The following AGMO variants were observed in gnomAD, a reference collection of about 807,000 sequenced individuals.
The protein encoded by AGMO is alkylglycerol monooxygenase, also known as glyceryl-ether monooxygenase.
A neutral mutation model predicts 60.2 loss-of-function variants in AGMO; 75 were observed. The observed-to-expected ratio is 1.25, with a 90% CI of 1.03 to 1.51. The LOEUF (loss-of-function observed/expected upper bound fraction) is 1.51. Among genes scored for constraint, AGMO ranks in the 40% most tolerant of loss-of-function variants. The pLI, the probability that AGMO is intolerant of heterozygous loss-of-function variation, is 0.00. For synonymous variants in AGMO, 261 were observed against 177.1 expected (o/e 1.47, Z -3.76); for missense variants, 763 against 525.5 (o/e 1.45, Z -4.42).
At chr7:15,559,003 T>A (rs1033356288) in intron 2 of AGMO, among the ~76,000 whole-genome samples, 4 of 152,086 alleles carry the variant, frequency 2.6e-5, no homozygotes, top group African/African-American at 9.7e-5. Flanking sequence ...TCTAAGGGAA[T>A]CTTTCCTCAC....
rs376078262 is a variant in AGMO at position 15,523,205 on chromosome 7, G to T, written c.409+21567C>A. ...AAACAGATGCTGGAGAGGATGTGGA[G>T]AAATAGGAATGCTTTTACACTGTTG... On this transcript the variant is annotated intron_variant, in intron 3 of 12. Coordinates refer to ENST00000342526, the MANE Select transcript of AGMO (RefSeq NM_001004320.2). Among the ~76,000 whole-genome samples, 415 of 152,330 alleles carry T rather than the reference G, an allele frequency of 2.7e-3. 1 individual carries two copies. Among genetic ancestry groups the T allele is most frequent in the African/African-American group, 8.9e-3 (372 of 41,566 alleles).
chr7:15,314,272 A>G (rs113562231), intron 12 of AGMO, among the ~76,000 whole-genome samples: 3 of 152,292 alleles, frequency 2.0e-5, no homozygotes, highest in African/African-American at 7.2e-5. Context: ...TTTTTCATTT[A>G]ATATTTTTGT....
intron 12 of AGMO, among the ~76,000 whole-genome samples, chr7:15,278,108 C>T (rs759373971): frequency 4.8e-5 from 7 of 145,952 alleles, no homozygotes; most frequent in Non-Finnish European, 7.6e-5. Context: ...AACTGAAAGC[C>T]GTGGAATACA....
At chr7:15,321,180 T>C (rs1685273080) in intron 12 of AGMO, among the ~76,000 whole-genome samples, 1 of 152,172 alleles carries the variant, frequency 6.6e-6, no homozygotes, top group Non-Finnish European at 1.5e-5. Flanking sequence ...TAGAATGCTA[T>C]TTCTATTCCT....
rs73679469 is a variant in AGMO at position 15,319,042 on chromosome 7, T to A, written c.1263+46472A>T. Among the ~76,000 whole-genome samples, 453 of 152,284 alleles carry A rather than the reference T, an allele frequency of 3.0e-3. 4 individuals are homozygous for A. Among genetic ancestry groups the A allele is most frequent in the African/African-American group, 0.01 (430 of 41,566 alleles). On this transcript the variant is annotated intron_variant, in intron 12 of 12. Transcript: ENST00000342526. ...AGTTGATTATTGCCAAACTCTTTCA[T>A]CGGTTTCTTTTTTCCTCCTCCCGTT...
At chr7:15,270,587 C>T (rs1041036505) in intron 12 of AGMO, among the ~76,000 whole-genome samples, 4 of 60,704 alleles carry the variant, frequency 6.6e-5, no homozygotes, top group South Asian at 1.3e-3. Context: ...CAAATTTAAT[C>T]TGTTGATAAT....
chr7:15,396,563 A>C (rs1199762733), intron 5 of AGMO: 1 of 152,198 alleles, frequency 6.6e-6, no homozygotes, highest in Non-Finnish European at 1.5e-5. Context: ...GAGGAAAAGG[A>C]CAACAGCTTG....
At chr7:15,548,467 T>C (rs1215559649) in intron 2 of AGMO, among the ~76,000 whole-genome samples, 1 of 151,604 alleles carries the variant, frequency 6.6e-6, no homozygotes, top group African/African-American at 2.4e-5. Flanking sequence ...AGAGAAGTGC[T>C]TAAAGGAGCT....
chr7:15,297,703 G>A (rs1477460621), intron 12 of AGMO, among the ~76,000 whole-genome samples: 1 of 152,100 alleles, frequency 6.6e-6, no homozygotes, highest in Non-Finnish European at 1.5e-5. Flanking sequence ...ACTACCCTGT[G>A]AAAGGTTTTC....
At chr7:15,137,296 T>C in the AGMO span, among the ~76,000 whole-genome samples, 3 of 152,220 alleles carry the variant, frequency 2.0e-5, no homozygotes, top group African/African-American at 7.2e-5. Context: ...TACTTTTTTA[T>C]ACGTTTTCCT....
chr7:15,235,545 C>T (rs62448956), intron 12 of AGMO, among the ~76,000 whole-genome samples: 2,662 of 152,098 alleles, frequency 0.018, 26 homozygotes, highest in Non-Finnish European at 0.025. Flanking sequence ...AACACAAAGA[C>T]GGAAAGTACT....
At chr7:15,550,832 T>C in intron 2 of AGMO, among the ~76,000 whole-genome samples, 1 of 137,806 alleles carries the variant, frequency 7.3e-6, no homozygotes, top group Non-Finnish European at 1.6e-5. Flanking sequence ...CCAGCATCAT[T>C]CTGATACCAA....
At chr7:15,460,342 C>T (rs1782113502) in intron 3 of AGMO, among the ~76,000 whole-genome samples, 1 of 151,940 alleles carries the variant, frequency 6.6e-6, no homozygotes, top group South Asian at 2.1e-4. Flanking sequence ...ACCCACCTCA[C>T]ATTTATTTTT....
intron 12 of AGMO, among the ~76,000 whole-genome samples, chr7:15,269,001 T>A (rs1783517018): frequency 6.6e-6 from 1 of 151,944 alleles, no homozygotes; most frequent in Non-Finnish European, 1.5e-5. Context: ...TTTACAATGG[T>A]TTAGCTTAGG....
At chr7:15,299,237 T>A (rs1456466581) in intron 12 of AGMO, among the ~76,000 whole-genome samples, 3 of 151,930 alleles carry the variant, frequency 2.0e-5, no homozygotes, top group Non-Finnish European at 4.4e-5. Context: ...TATAATAATA[T>A]AATAACAATA....
rs777374176 is a variant in AGMO, at chr7:15,418,599, G to A, written c.568C>T (p.Leu190Phe). The change falls in exon 5 of 13, where the codon CTT becomes TTT. Residue 190 changes from leucine to phenylalanine, a missense_variant. Coordinates refer to ENST00000342526, the MANE Select transcript of AGMO (RefSeq NM_001004320.2). Reference sequence around the variant, plus strand: ...AATTGGTAAAGAAGATTGAATTGAAGATGAACAGCATATACTGAAGGGGGT... The same window carrying A: ...AATTGGTAAAGAAGATTGAATTGAAAATGAACAGCATATACTGAAGGGGGT... ...FIPPSVYAVH[L>F]QFNLLYQFWI... 2 of 1,588,174 alleles carry A rather than the reference G, an allele frequency of 1.3e-6. No individual in the cohort carries two copies. Among genetic ancestry groups the A allele is most frequent in the Admixed American group, 1.9e-5 (1 of 53,942 alleles).
intron 10 of AGMO, among the ~76,000 whole-genome samples, chr7:15,381,826 G>A (rs1783703127): frequency 1.3e-5 from 2 of 152,144 alleles, no homozygotes; most frequent in South Asian, 4.1e-4. Context: ...ATACACCATG[G>A]AATACTATGC....
At chr7:15,265,361 A>G (rs1783400936) in intron 12 of AGMO, among the ~76,000 whole-genome samples, 1 of 152,016 alleles carries the variant, frequency 6.6e-6, no homozygotes, top group Non-Finnish European at 1.5e-5. Flanking sequence ...TGGTGACAGG[A>G]TCGCTCAGAC....
intron 12 of AGMO, among the ~76,000 whole-genome samples, chr7:15,205,627 A>T (rs2115470051): frequency 6.6e-6 from 1 of 152,284 alleles, no homozygotes; most frequent in Non-Finnish European, 1.5e-5. Flanking sequence ...AAGAAATTTG[A>T]GTTACTTTAA....
Sources: allele counts gnomAD v4.1 joint callset (sites outside exome capture counted in the v4.1 genomes callset), GRCh38; gene constraint gnomAD v4.1.1; transcripts MANE v1.5; gene names NCBI Gene and HGNC (gene_info 2026-07-23, HGNC 2026-07-21).